The following ZNF264 variants were observed in gnomAD, a reference collection of about 807,000 sequenced individuals.
ZNF264 encodes zinc finger protein 264.
A neutral mutation model predicts 11.2 loss-of-function variants in ZNF264; 11 were observed. The ratio of observed to expected loss-of-function variants is 0.98; its 90% CI spans 0.62 to 1.63. The LOEUF is 1.63. Among genes scored for constraint, ZNF264 ranks in the 40% most tolerant of loss-of-function variants. The pLI, the probability that ZNF264 is intolerant of heterozygous loss-of-function variation, is 0.00. For missense variants in ZNF264, 752 were observed against 768.1 expected (o/e 0.98, Z 0.25); for synonymous variants, 309 against 279.8 (o/e 1.10, Z -1.04).
rs1221451282 is a variant in ZNF264 at position 57,218,124 on chromosome 19, A to G, written c.*5143A>G. 6.6e-6 allele frequency: 1 copy of G among 152,134 alleles called. No individual in the cohort carries two copies. Among genetic ancestry groups the G allele is most frequent in the Non-Finnish European group, 1.5e-5 (1 of 68,028 alleles). The allele number at this position is 152,134 out of a possible 1,614,324, so 9.4% of individuals were successfully genotyped here. A position where few individuals can be genotyped will look rare whatever the true frequency, so the allele number is the denominator to read the frequency against. On this transcript the variant is annotated 3_prime_UTR_variant, in exon 4 of 4. Transcript: ENST00000263095. ...CTTCTATTAACATTTCTTTTCAGTT[A>G]TACACTGAACTTTACTGTAGCCTTT...
rs1208839273 is a variant in ZNF264, at chr19:57,216,381, T to C, written c.*3400T>C. On this transcript the variant is annotated 3_prime_UTR_variant, in exon 4 of 4. Coordinates refer to ENST00000263095, the MANE Select transcript of ZNF264 (RefSeq NM_003417.5). ...CAACAACAAAAAGTCCTGAACATGA[T>C]TGTGGAAGTGTGTTGCTCTTTCAAG... is the stretch of plus-strand genomic sequence containing the variant. 6.6e-6 allele frequency: 1 copy of C among 152,192 alleles called. No homozygotes were observed. The highest frequency in any genetic ancestry group is 6.5e-5 in the Admixed American group (1 of 15,276). The allele number at this position is 152,192 out of a possible 1,614,324, so 9.4% of individuals were successfully genotyped here.
chr19:57,194,453 A>G (rs180995571), intron 2 of ZNF264, among the ~76,000 whole-genome samples: 41 of 152,306 alleles, frequency 2.7e-4, no homozygotes, highest in Non-Finnish European at 4.1e-4. Context: ...AGATATATAT[A>G]AAAAGGACAG....
At position 57,212,080 on chromosome 19, in the gene ZNF264, C is replaced by T. The variant is rs1568476935; in HGVS notation, c.983C>T (p.Pro328Leu). 3.7e-6 allele frequency: 6 copies of T among 1,614,124 alleles called. No individual in the cohort carries two copies. In the Middle Eastern group the frequency reaches 8.2e-4, roughly 222 times the overall value. Residue 328 changes from proline (P) to leucine (L), a missense_variant, in exon 4 of 4, where the codon CCA becomes CTA. Transcript: ENST00000263095. ...TECGQVFRHR[P>L]GFLRHYVVHS... ...TGTGGCCAAGTCTTTCGACATAGGC[C>T]AGGCTTTCTCCGGCACTATGTTGTC...
At chr19:57,192,469 A>G (rs1041231339) in intron 1 of ZNF264, 5 of 985,242 alleles carry the variant, frequency 5.1e-6, no homozygotes, top group African/African-American at 1.7e-5. Flanking sequence ...TCATCGCTAC[A>G]GCCTGCATTA....
At chr19:57,202,451 GC>G (rs1478871914) in intron 2 of ZNF264, among the ~76,000 whole-genome samples, 1 of 151,752 alleles carries the variant, frequency 6.6e-6, no homozygotes, top group Admixed American at 6.6e-5. Context: ...AACCCCTATA[GC>G]CCTTTTGTTA....
intron 2 of ZNF264, among the ~76,000 whole-genome samples, chr19:57,204,277 A>C (rs1309089691): frequency 2.6e-5 from 4 of 151,554 alleles, no homozygotes; most frequent in Admixed American, 2.6e-4. Flanking sequence ...TCTGTTCCTC[A>C]GTGTTCTCAT....
intron 1 of ZNF264, 37 bp downstream of exon 1, chr19:57,191,983 GC>G: frequency 6.6e-7 from 1 of 1,511,476 alleles, no homozygotes; most frequent in African/African-American, 1.4e-5. Flanking sequence ...CCGCTTCCTT[GC>G]CAGCGCTGAG....
intron 1 of ZNF264, among the ~76,000 whole-genome samples, chr19:57,193,279 C>T (rs1447756482): frequency 3.3e-5 from 5 of 152,176 alleles, no homozygotes; most frequent in African/African-American, 1.2e-4. Context: ...GTGTTGACTG[C>T]AGGGACTGTG....
At chr19:57,202,656 C>T (rs566207282) in intron 2 of ZNF264, among the ~76,000 whole-genome samples, 2 of 151,916 alleles carry the variant, frequency 1.3e-5, no homozygotes, top group South Asian at 4.2e-4. Context: ...TCCAGGTGGT[C>T]CCCCCAGGAA....
Position 57,212,408 on chromosome 19 carries a change from C to T in ZNF264, c.1311C>T (p.Thr437=). The T allele has an allele frequency of 2.5e-6, 4 of 1,613,778 alleles. No homozygotes were observed. The highest frequency in any genetic ancestry group is 3.4e-6 in the Non-Finnish European group (4 of 1,179,920). Residue 437 remains threonine (T), a synonymous_variant, in exon 4 of 4, where the codon ACC becomes ACT. Coordinates refer to ENST00000263095, the MANE Select transcript of ZNF264 (RefSeq NM_003417.5). ...GCAGTGAATGTGGAAAGGCCTTCACCCACTGCTCTACTTTTATCTTGCATA... is the reference window on the plus strand; with the variant it reads ...GCAGTGAATGTGGAAAGGCCTTCACTCACTGCTCTACTTTTATCTTGCATA... ...FVCSECGKAF[T]HCSTFILHKR...
intron 2 of ZNF264, among the ~76,000 whole-genome samples, chr19:57,201,574 G>A (rs74572270): frequency 0.015 from 2,281 of 152,010 alleles, 38 homozygotes; most frequent in Non-Finnish European, 0.025. Context: ...ATATTACCCC[G>A]TAAACCAACC....
At chr19:57,202,096 C>CT (rs1276299300) in intron 2 of ZNF264, among the ~76,000 whole-genome samples, 2 of 151,790 alleles carry the variant, frequency 1.3e-5, no homozygotes, top group Non-Finnish European at 2.9e-5. Flanking sequence ...GTAGTCCCAG[C>CT]TACTCCTAAG....
chr19:57,205,601 A>G, intron 3 of ZNF264, 109 bp downstream of exon 3: 2 of 921,896 alleles, frequency 2.2e-6, no homozygotes, highest in South Asian at 1.4e-5. Context: ...CTCTCTCTAT[A>G]TAACTCTTAT....
intron 1 of ZNF264, among the ~76,000 whole-genome samples, 155 bp downstream of exon 1, chr19:57,192,101 C>G (rs2087177954): frequency 6.6e-6 from 1 of 152,088 alleles, no homozygotes; most frequent in Admixed American, 6.5e-5. Flanking sequence ...TATACCTGGC[C>G]GTAAGGAGTG....
chr19:57,202,610 C>T (rs1360381614), intron 2 of ZNF264, among the ~76,000 whole-genome samples: 1 of 151,826 alleles, frequency 6.6e-6, no homozygotes, highest in Non-Finnish European at 1.5e-5. Context: ...TTTGAAGCTT[C>T]CATAAAGACT....
At chr19:57,211,217 A>G in intron 3 of ZNF264, 137 bp from the exon 4 acceptor site, 6 of 926,148 alleles carry the variant, frequency 6.5e-6, no homozygotes, top group Non-Finnish European at 7.8e-6. Flanking sequence ...GAAATTGCAA[A>G]CCCAAGAATT....
chr19:57,193,718 T>G (rs149202409), intron 1 of ZNF264, among the ~76,000 whole-genome samples, 157 bp from the exon 2 acceptor site: 142 of 152,306 alleles, frequency 9.3e-4, no homozygotes, highest in African/African-American at 3.3e-3. Context: ...GTTAAAAGCA[T>G]CTATCTTCCC....
chr19:57,204,846 C>G (rs939617696), intron 2 of ZNF264, among the ~76,000 whole-genome samples: 77 of 152,160 alleles, frequency 5.1e-4, no homozygotes, highest in Admixed American at 2.0e-4. Context: ...CGTTGTGGAG[C>G]TTTGTGGTTA....
At position 57,191,910 on chromosome 19, in the gene ZNF264, C is replaced by A; in HGVS notation, c.-4C>A. The A allele has an allele frequency of 6.6e-7, 1 of 1,506,878 alleles. No homozygotes were observed. The highest frequency in any genetic ancestry group is 8.9e-7 in the Non-Finnish European group (1 of 1,125,802). 93.3% of individuals were successfully genotyped at this position (1,506,878 alleles called of 1,614,324 possible). A position where few individuals can be genotyped will look rare whatever the true frequency, so the allele number is the denominator to read the frequency against. Reference sequence around the variant, plus strand: ...CCCAGCTCTGCGGCCCAGGGGGTGACGTGATGGCGGCAGCGGTGCTGACGG... The same window carrying A: ...CCCAGCTCTGCGGCCCAGGGGGTGAAGTGATGGCGGCAGCGGTGCTGACGG... On this transcript the variant is annotated 5_prime_UTR_variant, in exon 1 of 4. Coordinates refer to ENST00000263095, the MANE Select transcript of ZNF264 (RefSeq NM_003417.5).
Sources: allele counts gnomAD v4.1 joint callset (sites outside exome capture counted in the v4.1 genomes callset), GRCh38; gene constraint gnomAD v4.1.1; transcripts MANE v1.5; gene names NCBI Gene and HGNC (gene_info 2026-07-23, HGNC 2026-07-21).